Variants in NR2C2 observed in about 807,000 individuals in gnomAD.
The protein encoded by NR2C2 is nuclear receptor subfamily 2 group C member 2.
Under a neutral mutation model 62.9 loss-of-function variants are expected in NR2C2, and 6 were observed. The observed-to-expected ratio is 0.10, with a 90% CI of 0.05 to 0.19. The LOEUF (loss-of-function observed/expected upper bound fraction) is 0.19. NR2C2 is among the 10% of genes least tolerant of loss of function. The probability of loss-of-function intolerance (pLI) is 1.00; values close to 1 mark genes in which losing one functional copy is unlikely to be tolerated. For synonymous variants in NR2C2, 272 were observed against 273.8 expected (o/e 0.99, Z 0.07); for missense variants, 479 against 762.7 (o/e 0.63, Z 4.38).
chr3:14,989,002 A>C (rs912109787), intron 1 of NR2C2, among the ~76,000 whole-genome samples: 2 of 151,688 alleles, frequency 1.3e-5, no homozygotes, highest in South Asian at 2.1e-4. Context: ...CTTTTCTCCT[A>C]CTCTTCCCCT....
chr3:15,028,849 T>C, intron 8 of NR2C2, 130 bp downstream of exon 8: 1 of 983,362 alleles, frequency 1.0e-6, no homozygotes, highest in South Asian at 1.7e-5. Context: ...ACAATGACCC[T>C]GCTCATCTGT....
intron 1 of NR2C2, among the ~76,000 whole-genome samples, chr3:14,950,320 C>T (rs988036266): frequency 1.3e-5 from 2 of 152,164 alleles, no homozygotes; most frequent in African/African-American, 4.8e-5. Context: ...GTATAGGGTG[C>T]TTTATGATTT....
intron 5 of NR2C2, among the ~76,000 whole-genome samples, chr3:15,022,123 C>T (rs2041685568): frequency 6.6e-6 from 1 of 152,238 alleles, no homozygotes; most frequent in Admixed American, 6.5e-5. Flanking sequence ...TGATTAGTAG[C>T]ATATCTGAAT....
intron 7 of NR2C2, among the ~76,000 whole-genome samples, chr3:15,024,781 C>A (rs1158619626): frequency 6.6e-6 from 1 of 152,174 alleles, no homozygotes; most frequent in Non-Finnish European, 1.5e-5. Context: ...TCCTGGTGCT[C>A]CTGATGTAAA....
rs2042511519 is a variant in NR2C2, at chr3:15,047,889, T to C, written c.*4881T>C. The C allele has an allele frequency of 6.6e-6, 1 of 152,250 alleles. No homozygotes were observed. Among genetic ancestry groups the C allele is most frequent in the South Asian group, 2.1e-4 (1 of 4,834 alleles). 9.4% of individuals were successfully genotyped at this position (152,250 alleles called of 1,614,324 possible). ...TAAGAATTGCATTTTAATATGGATA[T>C]GTGTGCCCTTAAAAGCTACAGATAC... On this transcript the variant is annotated 3_prime_UTR_variant, in exon 14 of 14. Transcript: ENST00000425241.
chr3:15,019,310 A>C (rs2041605554), intron 4 of NR2C2, among the ~76,000 whole-genome samples: 1 of 152,184 alleles, frequency 6.6e-6, no homozygotes. Flanking sequence ...ACACTTACAC[A>C]TTGTTGGTGG....
intron 1 of NR2C2, chr3:14,948,355 C>T (rs1409698074): frequency 6.6e-6 from 1 of 152,252 alleles, no homozygotes; most frequent in East Asian, 1.9e-4. Flanking sequence ...AGCCCAACCG[C>T]CGTTTTTTCT....
rs370155726 is a variant in NR2C2 at position 14,967,304 on chromosome 3, C to T, written c.-40+19398C>T. Among the ~76,000 whole-genome samples the T allele has an allele frequency of 1.2e-4, 18 of 151,910 alleles. No individual in the cohort carries two copies. In the East Asian group the frequency reaches 1.4e-3, roughly 11 times the overall value. ...ACTTGATTTTTTTTCAACAAACCAG[C>T]TTTTTGGTTTAATGGATTTTCTCTA... On this transcript the variant is annotated intron_variant, in intron 1 of 13. Transcript: ENST00000425241.
chr3:15,003,829 G>A (rs2041089431), intron 1 of NR2C2, 47 bp from the exon 2 acceptor site: 1 of 1,286,342 alleles, frequency 7.8e-7, no homozygotes, highest in South Asian at 1.2e-5. Flanking sequence ...CCACCTCTGG[G>A]CATCATTCTG....
At chr3:14,981,325 C>T (rs1463088545) in intron 1 of NR2C2, among the ~76,000 whole-genome samples, 3 of 151,928 alleles carry the variant, frequency 2.0e-5, no homozygotes, top group Non-Finnish European at 2.9e-5. Flanking sequence ...AAAGTTAGGC[C>T]GGGCGCGGTG....
intron 1 of NR2C2, among the ~76,000 whole-genome samples, chr3:14,963,921 C>T (rs187546718): frequency 2.0e-5 from 3 of 151,986 alleles, no homozygotes; most frequent in African/African-American, 7.3e-5. Context: ...TTACCTACCC[C>T]CCTCCCCACC....
chr3:14,972,428 G>A (rs1001664966), intron 1 of NR2C2, among the ~76,000 whole-genome samples: 2 of 151,976 alleles, frequency 1.3e-5, no homozygotes, highest in African/African-American at 4.8e-5. Context: ...ACCTGGCTGG[G>A]GCTCCGAAAG....
In NR2C2 at chr3:15,049,109, G is replaced by A. The variant is rs139419191; in HGVS notation, c.*6101G>A. ...ATTTTATATCTAATCAATGTCTTCA[G>A]TCTTGAAGAAGAATTTGCATTGTTG... On this transcript the variant is annotated 3_prime_UTR_variant, in exon 14 of 14. Coordinates refer to ENST00000425241, the MANE Select transcript of NR2C2 (RefSeq NM_001291694.2). The A allele has an allele frequency of 2.8e-4, 43 of 152,708 alleles. No individual in the cohort carries two copies. The highest frequency in any genetic ancestry group is 1.0e-3 in the African/African-American group (43 of 41,562). 9.5% of individuals were successfully genotyped at this position (152,708 alleles called of 1,614,324 possible).
chr3:15,045,068 T>C lies in NR2C2; in HGVS notation c.*2060T>C, dbSNP rs2042403483. 1 of 152,210 alleles carries C rather than the reference T, an allele frequency of 6.6e-6. No homozygotes were observed. Among genetic ancestry groups the C allele is most frequent in the African/African-American group, 2.4e-5 (1 of 41,456 alleles). The allele number at this position is 152,210 out of a possible 1,614,324, so 9.4% of individuals were successfully genotyped here. The stretch of plus-strand genomic sequence containing the variant: ...CCCTGATGTGTTTTCAGTTTCAAAA[T>C]TAAGACAAAAAACCAGCTGAGACAA... On this transcript the variant is annotated 3_prime_UTR_variant, in exon 14 of 14. Coordinates refer to ENST00000425241, the MANE Select transcript of NR2C2 (RefSeq NM_001291694.2).
chr3:15,036,345 C>G (rs999089962), intron 11 of NR2C2, among the ~76,000 whole-genome samples: 2 of 152,066 alleles, frequency 1.3e-5, no homozygotes, highest in African/African-American at 4.8e-5. Context: ...GTTCAAAACA[C>G]CAGCAGTGTC....
In NR2C2 at chr3:15,047,681, C is replaced by T. The variant is rs1051561163; in HGVS notation, c.*4673C>T. On this transcript the variant is annotated 3_prime_UTR_variant, in exon 14 of 14. Coordinates refer to ENST00000425241, the MANE Select transcript of NR2C2 (RefSeq NM_001291694.2). ...TCCTATGACTGAATAAATAGTAATT[C>T]CCATCTTTCTATCGCCAGTTAAAAA... is the stretch of plus-strand genomic sequence containing the variant. 6.6e-6 allele frequency: 1 copy of T among 152,182 alleles called. No individual in the cohort carries two copies. Among genetic ancestry groups the T allele is most frequent in the African/African-American group, 2.4e-5 (1 of 41,436 alleles). 9.4% of individuals were successfully genotyped at this position (152,182 alleles called of 1,614,324 possible). A position where few individuals can be genotyped will look rare whatever the true frequency, so the allele number is the denominator to read the frequency against.
At chr3:15,022,632 C>T (rs1460722374) in intron 5 of NR2C2, among the ~76,000 whole-genome samples, 1 of 152,082 alleles carries the variant, frequency 6.6e-6, no homozygotes, top group Non-Finnish European at 1.5e-5. Context: ...CCACCCATCT[C>T]GGCTTCCCAA....
chr3:14,998,212 C>T (rs1377491683), intron 1 of NR2C2, among the ~76,000 whole-genome samples: 1 of 152,152 alleles, frequency 6.6e-6, no homozygotes, highest in African/African-American at 2.4e-5. Flanking sequence ...CCTGTTATCA[C>T]TAATGCTGCT....
chr3:15,041,762 T>G (rs1404833513), intron 13 of NR2C2, among the ~76,000 whole-genome samples: 1 of 152,052 alleles, frequency 6.6e-6, no homozygotes, highest in Non-Finnish European at 1.5e-5. Context: ...AAGTCTGAGG[T>G]GGGAGACTCA....
Sources: allele counts gnomAD v4.1 joint callset (sites outside exome capture counted in the v4.1 genomes callset), GRCh38; gene constraint gnomAD v4.1.1; transcripts MANE v1.5; gene names NCBI Gene and HGNC (gene_info 2026-07-23, HGNC 2026-07-21).